The following ELN variants were observed in gnomAD, a reference collection of about 807,000 sequenced individuals.
The protein encoded by ELN is elastin.
ELN carries 65 observed loss-of-function variants against 105.8 expected under a neutral mutation model. That is an observed-to-expected ratio of 0.61 (90% CI 0.50 to 0.75). ELN has a LOEUF of 0.75. Among genes scored for constraint, ELN ranks in the 30% least tolerant of loss-of-function variants. ELN has a pLI of 0.00. For synonymous variants in ELN, 368 were observed against 389.2 expected (o/e 0.95, Z 0.64); for missense variants, 882 against 969.4 (o/e 0.91, Z 1.20).
chr7:74,031,323 G>GAAAA (rs1417819439), intron 1 of ELN, among the ~76,000 whole-genome samples: 2 of 152,038 alleles, frequency 1.3e-5, no homozygotes, highest in Admixed American at 1.3e-4. Context: ...TATCTGGGGG[G>GAAAA]AAAAAAAGCA....
chr7:74,030,907 G>A (rs1388766505), intron 1 of ELN, among the ~76,000 whole-genome samples: 3 of 152,164 alleles, frequency 2.0e-5, no homozygotes, highest in South Asian at 2.1e-4. Context: ...TGTGTCTGCC[G>A]AGGCCCCGGC....
chr7:74,048,243 A>G (rs1554673773), intron 14 of ELN, 42 bp downstream of exon 14: 1 of 1,613,400 alleles, frequency 6.2e-7, no homozygotes, highest in South Asian at 1.1e-5. Flanking sequence ...GGGAGCACTG[A>G]TCTTCCAGGC....
intron 15 of ELN, among the ~76,000 whole-genome samples, chr7:74,051,059 T>G (rs964455027): frequency 2.0e-5 from 3 of 152,236 alleles, no homozygotes; most frequent in African/African-American, 7.2e-5. Flanking sequence ...TGGCTGCAGA[T>G]GGAACGTGGT....
intron 18 of ELN, among the ~76,000 whole-genome samples, chr7:74,054,173 T>C (rs1794750795): frequency 1.3e-5 from 2 of 152,012 alleles, no homozygotes; most frequent in Admixed American, 1.3e-4. Flanking sequence ...TATCCAAGGA[T>C]AGACAAATGG....
At chr7:74,039,365 TC>T (rs1260881244) in intron 4 of ELN, among the ~76,000 whole-genome samples, 11 of 152,106 alleles carry the variant, frequency 7.2e-5, no homozygotes, top group Non-Finnish European at 1.2e-4. Context: ...TTCCATGACC[TC>T]CCCGAAGACT....
intron 17 of ELN, chr7:74,052,629 G>A (rs1794298962): frequency 6.1e-6 from 1 of 162,992 alleles, no homozygotes; most frequent in African/African-American, 2.6e-5. Context: ...AAGGAAGGAA[G>A]GAAGGAAGGA....
At position 74,053,297 on chromosome 7, in the gene ELN, G is replaced by C. The variant is rs781882948; in HGVS notation, c.1084G>C (p.Ala362Pro). 16 of 1,612,708 alleles carry C rather than the reference G, an allele frequency of 9.9e-6. No homozygotes were observed. The highest frequency in any genetic ancestry group is 1.3e-5 in the African/African-American group (1 of 74,542). The change falls in exon 18 of 33, where the codon GCT (alanine) becomes CCT (proline). Residue 362 changes from alanine (A) to proline (P), a missense_variant. Ala to Pro is a conservative substitution (Grantham distance 27, BLOSUM62 -1). Transcript: ENST00000252034. ...PVVPGAGIPG[A>P]AVPGVVSPEA... ...TGTCCCAGGTGCTGGGATCCCAGGT[G>C]CTGCGGTTCCAGGTGAGCTGGGCTG...
At chr7:74,040,749 C>T (rs1451583716) in intron 4 of ELN, among the ~76,000 whole-genome samples, 1 of 152,074 alleles carries the variant, frequency 6.6e-6, no homozygotes, top group Non-Finnish European at 1.5e-5. Context: ...GTAGGAGGCT[C>T]CTGGGCTGCA....
chr7:74,037,757 G>T lies in ELN; in HGVS notation c.196+18G>T. 1 of 1,610,298 alleles carries T rather than the reference G, an allele frequency of 6.2e-7. No homozygotes were observed. The highest frequency in any genetic ancestry group is 1.7e-4 in the Middle Eastern group (1 of 6,056). ...TAAGCCAGGTAAGACCCAAGGCCTC[G>T]GAGCATTGAGAGACAGCGAGGGAGC... On this transcript the variant is annotated intron_variant, in intron 4 of 32. Coordinates refer to ENST00000252034, the MANE Select transcript of ELN (RefSeq NM_000501.4).
At chr7:74,039,413 C>T (rs1476852727) in intron 4 of ELN, among the ~76,000 whole-genome samples, 1 of 152,176 alleles carries the variant, frequency 6.6e-6, no homozygotes, top group Non-Finnish European at 1.5e-5. Context: ...CCCCATGGCA[C>T]CCCCAGGGAG....
rs150872856 is a variant in ELN, at chr7:74,054,000, G to A, written c.1096+691G>A. Among the ~76,000 whole-genome samples the A allele has an allele frequency of 3.0e-3, 462 of 152,274 alleles. 1 individual carries two copies. The highest frequency in any genetic ancestry group is 0.011 in the African/African-American group (437 of 41,570). ...TAGATGGGTGGATGAATGAGCACAT[G>A]GTTGGAGGGGCAGATGAATAGACGG... On this transcript the variant is annotated intron_variant, in intron 18 of 32. Transcript: ENST00000252034.
At chr7:74,036,677 C>T (rs558065519) in intron 3 of ELN, 93 bp downstream of exon 3, 58 of 1,564,402 alleles carry the variant, frequency 3.7e-5, no homozygotes, top group Non-Finnish European at 4.1e-5. Context: ...CTGGGAGACC[C>T]GAGCATCAAG....
Position 74,069,569 on chromosome 7 carries a change from C to T in ELN, c.*869C>T. Reference sequence around the variant, plus strand: ...CCCCACATGCAGTACTGTATACCCCCCATCCCTCCCTCGGTCCACTGAACT... The same window carrying T: ...CCCCACATGCAGTACTGTATACCCCTCATCCCTCCCTCGGTCCACTGAACT... On this transcript the variant is annotated 3_prime_UTR_variant, in exon 33 of 33. Coordinates refer to ENST00000252034, the MANE Select transcript of ELN (RefSeq NM_000501.4). 2 of 233,684 alleles carry T rather than the reference C, an allele frequency of 8.6e-6. No homozygotes were observed. The highest frequency in any genetic ancestry group is 1.7e-5 in the Non-Finnish European group (2 of 118,052). 14.5% of individuals were successfully genotyped at this position (233,684 alleles called of 1,614,324 possible). A position where few individuals can be genotyped will look rare whatever the true frequency, so the allele number is the denominator to read the frequency against.
chr7:74,033,504 C>A (rs1238669985), intron 1 of ELN, among the ~76,000 whole-genome samples: 1 of 152,250 alleles, frequency 6.6e-6, no homozygotes, highest in African/African-American at 2.4e-5. Flanking sequence ...GCAGGCCCAG[C>A]CCCCCTGGGG....
At chr7:74,042,556 C>A in intron 5 of ELN, 58 bp from the exon 6 acceptor site, 1 of 1,517,752 alleles carries the variant, frequency 6.6e-7, no homozygotes. Context: ...AGGGCCAGAG[C>A]GTAGGAGTCT....
At chr7:74,041,706 CTT>C (rs1791250310) in intron 5 of ELN, among the ~76,000 whole-genome samples, 1 of 152,184 alleles carries the variant, frequency 6.6e-6, no homozygotes, top group Middle Eastern at 3.4e-3. Flanking sequence ...GACCTCATCT[CTT>C]TTGTTGTTCT....
chr7:74,040,343 A>C (rs1387822173), intron 4 of ELN, among the ~76,000 whole-genome samples: 1 of 151,974 alleles, frequency 6.6e-6, no homozygotes, highest in Non-Finnish European at 1.5e-5. Flanking sequence ...ATCGCCAGGC[A>C]CTCCCGCCCG....
Position 74,063,505 on chromosome 7 carries a change from C to T in ELN, c.1919-116C>T. 1 of 1,609,230 alleles carries T rather than the reference C, an allele frequency of 6.2e-7. No individual in the cohort carries two copies. The highest frequency in any genetic ancestry group is 8.5e-7 in the Non-Finnish European group (1 of 1,177,910). On this transcript the variant is annotated intron_variant, in intron 28 of 32. Transcript: ENST00000252034. The surrounding 1 kb of genome is among the most constrained non-coding windows in gnomAD (Gnocchi z 4.1). ...CTGGCTCCACTGTGCCATCGAAGGC[C>T]AGGGGAGACCTCAGGCTCCACCTGT... is the stretch of plus-strand genomic sequence containing the variant.
intron 12 of ELN, among the ~76,000 whole-genome samples, chr7:74,047,270 G>C (rs782022168): frequency 6.6e-6 from 1 of 152,122 alleles, no homozygotes; most frequent in Non-Finnish European, 1.5e-5. Context: ...CTCATGCACA[G>C]AGACCCATAG....
Sources: allele counts gnomAD v4.1 joint callset (sites outside exome capture counted in the v4.1 genomes callset), GRCh38; gene constraint gnomAD v4.1.1; non-coding constraint Gnocchi (gnomAD v3.1); transcripts MANE v1.5; gene names NCBI Gene and HGNC (gene_info 2026-07-23, HGNC 2026-07-21).